Variants in NFAT5 observed in about 807,000 individuals in gnomAD.
NFAT5 encodes the protein nuclear factor of activated T-cells 5.
NFAT5 carries 31 observed loss-of-function variants against 166.5 expected under a neutral mutation model. The ratio of observed to expected loss-of-function variants is 0.19; its 90% CI spans 0.14 to 0.25. The LOEUF (loss-of-function observed/expected upper bound fraction) is 0.25. Among genes scored for constraint, NFAT5 ranks in the 10% least tolerant of loss-of-function variants. The pLI is 1.00. For missense variants in NFAT5, 1,449 were observed against 1,821.8 expected (o/e 0.80, Z 3.72); for synonymous variants, 612 against 639.7 (o/e 0.96, Z 0.65).
intron 14 of NFAT5, 50 bp downstream of exon 14, chr16:69,695,429 T>C: frequency 3.0e-6 from 4 of 1,320,456 alleles, no homozygotes; most frequent in Non-Finnish European, 3.3e-6. Context: ...ATTTTATTCT[T>C]CTTAACAGAT....
chr16:69,645,048 A>G (rs888843307), intron 3 of NFAT5, among the ~76,000 whole-genome samples: 1 of 152,230 alleles, frequency 6.6e-6, no homozygotes. Flanking sequence ...AGATGAAGGA[A>G]TGTTAGATGT....
rs958258553 is a variant in NFAT5 at position 69,693,644 on chromosome 16, A to G, written c.3819A>G (p.Gln1273=). 31 of 1,612,954 alleles carry G rather than the reference A, an allele frequency of 1.9e-5. No homozygotes were observed. Among genetic ancestry groups the G allele is most frequent in the Admixed American group, 1.3e-4 (8 of 59,918 alleles). The change falls in exon 13 of 15, where the codon CAA becomes CAG. Residue 1273 remains glutamine (Q), a synonymous_variant. Coordinates refer to ENST00000349945, the MANE Select transcript of NFAT5 (RefSeq NM_138713.4). ...CCCAGGAACAGCAGCAGCAGCAGCAACAGCAGCAGCAACAGCAGCAGCAAC... is the reference window on the plus strand; with the variant it reads ...CCCAGGAACAGCAGCAGCAGCAGCAGCAGCAGCAGCAACAGCAGCAGCAAC... ...SPSQEQQQQQ[Q]QQQQQQQQQQ...
intron 2 of NFAT5, among the ~76,000 whole-genome samples, chr16:69,588,977 C>CTTTTTTTTTTT (rs1409931325): frequency 1.3e-5 from 1 of 78,566 alleles, no homozygotes; most frequent in African/African-American, 4.3e-5. Flanking sequence ...TCTTTTCCTA[C>CTTTTTTTTTTT]TTCTTTTTTT....
At chr16:69,587,082 C>T (rs941121804) in intron 2 of NFAT5, among the ~76,000 whole-genome samples, 2 of 151,688 alleles carry the variant, frequency 1.3e-5, no homozygotes, top group African/African-American at 4.8e-5. Context: ...TATTAAAGTG[C>T]TTTTTTTTCT....
chr16:69,605,073 TAAG>T (rs1416473176), intron 2 of NFAT5, among the ~76,000 whole-genome samples: 1 of 152,334 alleles, frequency 6.6e-6, no homozygotes, highest in African/African-American at 2.4e-5. Context: ...CTTTTAAGTA[TAAG>T]AAGTTTTCTT....
intron 10 of NFAT5, among the ~76,000 whole-genome samples, chr16:69,679,854 C>A (rs2036984599): frequency 6.6e-6 from 1 of 152,176 alleles, no homozygotes; most frequent in Non-Finnish European, 1.5e-5. Context: ...GTGGCTCACG[C>A]CTGTAATCCC....
At chr16:69,608,904 G>A (rs1236304830) in intron 2 of NFAT5, among the ~76,000 whole-genome samples, 1 of 151,782 alleles carries the variant, frequency 6.6e-6, no homozygotes. Context: ...GGCGGATCAC[G>A]AGGTCAGGAG....
rs1018239646 is a variant in NFAT5, at chr16:69,634,763, A to G, written c.253+8235A>G. 3.3e-5 allele frequency among the ~76,000 whole-genome samples: 5 copies of G among 152,244 alleles called. No homozygotes were observed. The South Asian group carries it at 8.3e-4, about 25-fold the overall frequency. ...GTTTATTTTTCTCACAGATGAGATT[A>G]ACATGGGCTTTGGAGTCATAAAGAC... On this transcript the variant is annotated intron_variant, in intron 3 of 14. Coordinates refer to ENST00000349945, the MANE Select transcript of NFAT5 (RefSeq NM_138713.4).
rs765182239 is a variant in NFAT5, at chr16:69,659,737, G to A, written c.1207G>A (p.Val403Ile). The A allele has an allele frequency of 5.6e-6, 9 of 1,613,076 alleles. No individual in the cohort carries two copies. The highest frequency in any genetic ancestry group is 2.7e-5 in the African/African-American group (2 of 74,864). Residue 403 changes from valine to isoleucine, a missense_variant, in exon 7 of 15, where the codon GTA (valine) becomes ATA (isoleucine). Physicochemically the swap from Val to Ile is conservative, Grantham distance 29. Coordinates refer to ENST00000349945, the MANE Select transcript of NFAT5 (RefSeq NM_138713.4). Reference protein sequence around the residue: ...SNNMTLAVDCVGILKLRNADV... With the variant: ...SNNMTLAVDCIGILKLRNADV... The stretch of plus-strand genomic sequence containing the variant: ...TTTTTTCTGTATTAGGGTGGACTGC[G>A]TAGGGATATTGAAATTGAGGAATGC...
At chr16:69,611,747 C>T (rs1357350061) in intron 2 of NFAT5, among the ~76,000 whole-genome samples, 1 of 152,178 alleles carries the variant, frequency 6.6e-6, no homozygotes, top group African/African-American at 2.4e-5. Flanking sequence ...GACTTACTTC[C>T]TAAAAGGCCC....
chr16:69,660,178 T>G (rs1261684659), intron 7 of NFAT5, among the ~76,000 whole-genome samples: 2 of 152,214 alleles, frequency 1.3e-5, no homozygotes, highest in East Asian at 1.9e-4. Flanking sequence ...CCCAGCACTT[T>G]GGGAGGCCAA....
At chr16:69,630,251 C>T (rs929513932) in intron 3 of NFAT5, among the ~76,000 whole-genome samples, 7 of 152,162 alleles carry the variant, frequency 4.6e-5, no homozygotes, top group South Asian at 2.1e-4. Context: ...TGGTCTCGAA[C>T]GAACTCCTGG....
At chr16:69,627,141 A>G (rs2034495020) in intron 3 of NFAT5, among the ~76,000 whole-genome samples, 2 of 151,402 alleles carry the variant, frequency 1.3e-5, no homozygotes, top group African/African-American at 4.8e-5. Context: ...CTCTCAAATC[A>G]TACACTTAAT....
chr16:69,608,633 T>C (rs937014632), intron 2 of NFAT5, among the ~76,000 whole-genome samples: 1 of 150,744 alleles, frequency 6.6e-6, no homozygotes, highest in African/African-American at 2.4e-5. Flanking sequence ...CCATGTGAAA[T>C]AGTAGTTGTC....
intron 3 of NFAT5, among the ~76,000 whole-genome samples, chr16:69,632,732 G>A (rs2034775430): frequency 6.6e-6 from 1 of 152,122 alleles, no homozygotes; most frequent in South Asian, 2.1e-4. Flanking sequence ...GCCACCTAAT[G>A]TAGTATACTC....
chr16:69,612,273 G>T (rs1020469125), intron 2 of NFAT5, among the ~76,000 whole-genome samples: 1 of 152,100 alleles, frequency 6.6e-6, no homozygotes, highest in Admixed American at 6.6e-5. Flanking sequence ...TCCATGAAGG[G>T]TTTTCAACCC....
rs2037899719 is a variant in NFAT5 at position 69,701,596 on chromosome 16, A to G, written c.*5245A>G. 1 of 152,514 alleles carries G rather than the reference A, an allele frequency of 6.6e-6. No homozygotes were observed. Among genetic ancestry groups the G allele is most frequent in the Non-Finnish European group, 1.5e-5 (1 of 68,042 alleles). The allele number at this position is 152,514 out of a possible 1,614,324, so 9.4% of individuals were successfully genotyped here. A position where few individuals can be genotyped will look rare whatever the true frequency, so the allele number is the denominator to read the frequency against. ...CAGAATTAGACTGTTCAGCCTTTAT[A>G]TAAACTAAATTTGTCTTCATCTCAA... On this transcript the variant is annotated 3_prime_UTR_variant, in exon 15 of 15. Transcript: ENST00000349945.
chr16:69,609,373 A>C (rs1414113279), intron 2 of NFAT5, among the ~76,000 whole-genome samples: 3 of 152,196 alleles, frequency 2.0e-5, no homozygotes, highest in Non-Finnish European at 4.4e-5. Flanking sequence ...CCTATTCAGT[A>C]GTCGGTCTGT....
intron 2 of NFAT5, among the ~76,000 whole-genome samples, chr16:69,572,216 CTGGCTAATTAATTAATGTTATAATACA>C (rs1419908725): frequency 1.3e-5 from 2 of 152,100 alleles, no homozygotes; most frequent in African/African-American, 2.4e-5. Context: ...GAAAAGGGTC[CTGGCTAATTAATTAATGTTATAATACA>C]TGGCCATTAA....
Sources: gnomAD v4.1 joint callset for allele counts (sites outside exome capture counted in the v4.1 genomes callset) on GRCh38, gnomAD v4.1.1 for gene constraint, MANE v1.5 for transcripts, NCBI Gene and HGNC (gene_info 2026-07-23, HGNC 2026-07-21) for gene names.